Variants in COP1 observed in about 807,000 individuals in gnomAD.
The protein encoded by COP1 is E3 ubiquitin-protein ligase COP1.
Under a neutral mutation model 101.3 loss-of-function variants are expected in COP1, and 24 were observed. The ratio of observed to expected loss-of-function variants is 0.24; its 90% CI spans 0.17 to 0.33. The LOEUF (loss-of-function observed/expected upper bound fraction) is 0.33. COP1 is among the 10% of genes least tolerant of loss of function. The probability of loss-of-function intolerance (pLI) is 1.00; values close to 1 mark genes in which losing one functional copy is unlikely to be tolerated. For missense variants in COP1, 663 were observed against 906.2 expected, an observed-to-expected ratio of 0.73 and a Z score of 3.45; for synonymous variants, 347 against 341.9, an observed-to-expected ratio of 1.01 and a Z score of -0.17.
chr1:175,974,334 A>T (rs1159207060), intron 18 of COP1, among the ~76,000 whole-genome samples: 1 of 152,226 alleles, frequency 6.6e-6, no homozygotes. Flanking sequence ...AATTTATGAA[A>T]TGCCAAAGGA....
At chr1:175,960,533 AT>A (rs1278613673) in intron 18 of COP1, among the ~76,000 whole-genome samples, 1 of 152,164 alleles carries the variant, frequency 6.6e-6, no homozygotes, top group Non-Finnish European at 1.5e-5. Flanking sequence ...ACAGAAGACT[AT>A]TATGGAGGCT....
chr1:176,156,823 A>G (rs1693517723), intron 5 of COP1, among the ~76,000 whole-genome samples: 1 of 152,194 alleles, frequency 6.6e-6, no homozygotes, highest in African/African-American at 2.4e-5. Flanking sequence ...ATTACCAAAA[A>G]AGAAAACAAA....
intron 9 of COP1, among the ~76,000 whole-genome samples, chr1:176,097,257 A>AT (rs1036741958): frequency 7.2e-5 from 11 of 151,944 alleles, no homozygotes; most frequent in Non-Finnish European, 1.6e-4. Context: ...ATTTTTCTCC[A>AT]TTTTTCCTTG....
At chr1:176,037,145 G>A (rs1269226302) in intron 14 of COP1, among the ~76,000 whole-genome samples, 2 of 152,184 alleles carry the variant, frequency 1.3e-5, no homozygotes, top group Admixed American at 6.5e-5. Context: ...GCTCAAGCCT[G>A]TAATCCCAGC....
chr1:176,018,895 GTGGT>G (rs1666145003), intron 15 of COP1: 1 of 152,246 alleles, frequency 6.6e-6, no homozygotes, highest in Non-Finnish European at 1.5e-5. Flanking sequence ...GCCAGACAAG[GTGGT>G]TCACGCCTGT....
In COP1 at chr1:176,162,906, A is replaced by G; in HGVS notation, c.725T>C (p.Leu242Ser). Residue 242 changes from leucine to serine, a missense_variant, in exon 5 of 20, where the codon TTG becomes TCG. This residue lies in a region of COP1 where 212 missense variants were observed against 240.7 expected (regional missense o/e 0.88). Transcript: ENST00000367669. The part of the protein sequence containing the change: ...NLDLANVNLM[L>S]ELLVQKKKQL... ...TTTCTTCTTCTGCACTAGTAACTCCAACATAAGATTGACATTGGCCAAATC... is the reference window on the plus strand; with the variant it reads ...TTTCTTCTTCTGCACTAGTAACTCCGACATAAGATTGACATTGGCCAAATC... 6.2e-7 allele frequency: 1 copy of G among 1,609,358 alleles called. No individual in the cohort carries two copies. Among genetic ancestry groups the G allele is most frequent in the Non-Finnish European group, 8.5e-7 (1 of 1,177,816 alleles).
chr1:176,155,774 A>C (rs1005866755), intron 5 of COP1, among the ~76,000 whole-genome samples: 21 of 152,086 alleles, frequency 1.4e-4, no homozygotes, highest in African/African-American at 4.6e-4. Context: ...AGAGAGAAAA[A>C]CGATATACTA....
At chr1:176,123,277 G>C (rs1368256425) in intron 8 of COP1, among the ~76,000 whole-genome samples, 5 of 152,178 alleles carry the variant, frequency 3.3e-5, no homozygotes, top group African/African-American at 1.2e-4. Flanking sequence ...GGAAAAATAT[G>C]ATGGGACTTC....
rs1047265221 is a variant in COP1, at chr1:176,188,830, T to C, written c.408-4138A>G. On this transcript the variant is annotated intron_variant, in intron 1 of 19. Transcript: ENST00000367669. Reference sequence around the variant, plus strand: ...ATTCCAGCCTAAGTGACAAAACACATAGATACACACACACACACACACACA... The same window carrying C: ...ATTCCAGCCTAAGTGACAAAACACACAGATACACACACACACACACACACA... Among the ~76,000 whole-genome samples the C allele has an allele frequency of 2.3e-4, 20 of 87,238 alleles. No individual in the cohort carries two copies. The South Asian group carries it at 6.6e-3, about 29-fold the overall frequency. 57.2% of individuals were successfully genotyped at this position (87,238 alleles called of 152,430 possible).
At chr1:176,065,456 T>C (rs1675750174) in intron 11 of COP1, among the ~76,000 whole-genome samples, 1 of 152,214 alleles carries the variant, frequency 6.6e-6, no homozygotes, top group Non-Finnish European at 1.5e-5. Flanking sequence ...ATAAAACACT[T>C]GTCACCAGAT....
At chr1:176,191,437 CCTT>C (rs1406482320) in intron 1 of COP1, among the ~76,000 whole-genome samples, 1 of 151,984 alleles carries the variant, frequency 6.6e-6, no homozygotes, top group Non-Finnish European at 1.5e-5. Context: ...AATGTTTCTT[CCTT>C]CTTCACAAAA....
At position 176,080,072 on chromosome 1, in the gene COP1, G is replaced by A. The variant is rs139326571; in HGVS notation, c.1277+1080C>T. On this transcript the variant is annotated intron_variant, in intron 11 of 19. Transcript: ENST00000367669. ...AACTAGTAACAGCCTCAGTAATCAT[G>A]GGTCGAAGAGAAAAATCAAAATGGA... 1.8e-4 allele frequency among the ~76,000 whole-genome samples: 28 copies of A among 152,038 alleles called. 1 individual carries two copies. The East Asian group carries it at 5.2e-3, about 28-fold the overall frequency.
At chr1:175,977,954 G>A (rs1654964732) in intron 18 of COP1, among the ~76,000 whole-genome samples, 1 of 151,986 alleles carries the variant, frequency 6.6e-6, no homozygotes, top group South Asian at 2.1e-4. Context: ...CTATTACTAT[G>A]AAAATTTGGT....
Position 176,119,700 on chromosome 1 carries a change from G to C in COP1, c.969-3019C>G, listed in dbSNP as rs142938634. On this transcript the variant is annotated intron_variant, in intron 8 of 19. Coordinates refer to ENST00000367669, the MANE Select transcript of COP1 (RefSeq NM_022457.7). The stretch of plus-strand genomic sequence containing the variant: ...AATATTAGAAAGCACTGACAGGGCT[G>C]GGTCCCTCTTGACTCTGGTGCTATA... Among the ~76,000 whole-genome samples the C allele has an allele frequency of 1.9e-3, 287 of 152,018 alleles. 3 individuals are homozygous for C. Among genetic ancestry groups the C allele is most frequent in the African/African-American group, 6.7e-3 (277 of 41,468 alleles).
At chr1:176,127,144 C>T (rs1688126838) in intron 8 of COP1, among the ~76,000 whole-genome samples, 1 of 151,976 alleles carries the variant, frequency 6.6e-6, no homozygotes, top group Non-Finnish European at 1.5e-5. Context: ...TATTTTGATC[C>T]TTGCATACAT....
intron 6 of COP1, among the ~76,000 whole-genome samples, chr1:176,147,548 T>C (rs1036048936): frequency 6.6e-6 from 1 of 152,204 alleles, no homozygotes; most frequent in Non-Finnish European, 1.5e-5. Context: ...AGTATGTTTC[T>C]TGGTTAACCC....
At position 176,116,612 on chromosome 1, in the gene COP1, GAT is replaced by G; in HGVS notation, c.1026+10_1026+11del. On this transcript the variant is annotated intron_variant, in intron 9 of 19. Coordinates refer to ENST00000367669, the MANE Select transcript of COP1 (RefSeq NM_022457.7). ...TCATGGTATCATTAAAGCAAACAAAGATATCGTTTACCTGAGAACTGCCACTG... is the reference window on the plus strand; with the variant it reads ...TCATGGTATCATTAAAGCAAACAAAGATCGTTTACCTGAGAACTGCCACTG... The G allele has an allele frequency of 6.3e-7, 1 of 1,593,632 alleles. No individual in the cohort carries two copies. The highest frequency in any genetic ancestry group is 8.6e-7 in the Non-Finnish European group (1 of 1,162,794).
Position 176,207,113 on chromosome 1 carries a change from A to C in COP1, c.-135T>G. 1 of 663,384 alleles carries C rather than the reference A, an allele frequency of 1.5e-6. No individual in the cohort carries two copies. The highest frequency in any genetic ancestry group is 2.2e-6 in the Non-Finnish European group (1 of 449,732). 41.1% of individuals were successfully genotyped at this position (663,384 alleles called of 1,614,324 possible). Reference sequence around the variant, plus strand: ...GCCGGAGGTGGGGCTGAGGAACAATAAAGTTGCGTTTTTTTTTAAGGCAGC... The same window carrying C: ...GCCGGAGGTGGGGCTGAGGAACAATCAAGTTGCGTTTTTTTTTAAGGCAGC... On this transcript the variant is annotated 5_prime_UTR_variant, in exon 1 of 20. Transcript: ENST00000367669.
chr1:176,037,701 G>C (rs1669816412), intron 14 of COP1, among the ~76,000 whole-genome samples: 1 of 152,098 alleles, frequency 6.6e-6, no homozygotes, highest in Non-Finnish European at 1.5e-5. Flanking sequence ...ACTACATGAT[G>C]ATACGTGCAT....
Sources: gnomAD v4.1 joint callset for allele counts (sites outside exome capture counted in the v4.1 genomes callset) on GRCh38, gnomAD v4.1.1 for gene constraint, gnomAD v4.1.1 regional missense constraint, MANE v1.5 for transcripts, NCBI Gene and HGNC (gene_info 2026-07-23, HGNC 2026-07-21) for gene names.